The following CADM2 variants were observed in gnomAD, a reference collection of about 807,000 sequenced individuals.
CADM2 encodes immunoglobulin superfamily member 4D.
CADM2 carries 12 observed loss-of-function variants against 49.8 expected under a neutral mutation model. That is an observed-to-expected ratio of 0.24 (90% CI 0.15 to 0.39). The LOEUF (loss-of-function observed/expected upper bound fraction) is 0.39. Among genes scored for constraint, CADM2 ranks in the 10% least tolerant of loss-of-function variants. The pLI is 1.00. For missense variants in CADM2, 378 were observed against 492.3 expected, an observed-to-expected ratio of 0.77 and a Z score of 2.20; for synonymous variants, 214 against 175.4, an observed-to-expected ratio of 1.22 and a Z score of -1.74.
intron 1 of CADM2, among the ~76,000 whole-genome samples, chr3:85,545,696 A>C (rs1551045): frequency 0.51 from 77,760 of 151,852 alleles, 22,968 homozygotes; most frequent in East Asian, 0.85. Flanking sequence ...GCTGGGTGGA[A>C]CCCTGCTGCA....
chr3:85,094,984 G>C (rs2037739014), intron 1 of CADM2, among the ~76,000 whole-genome samples: 1 of 151,976 alleles, frequency 6.6e-6, no homozygotes. Flanking sequence ...ATGAATTCTT[G>C]ACTTACTGAA....
intron 1 of CADM2, among the ~76,000 whole-genome samples, chr3:85,278,718 TTGTGTGTGTGTGTGTGTGTG>T (rs36208431): frequency 4.2e-5 from 6 of 144,552 alleles, no homozygotes; most frequent in Non-Finnish European, 7.7e-5. Context: ...GCTGATGTTC[TTGTGTGTGTGTGTGTGTGTG>T]TGTGTGTGTG....
intron 3 of CADM2, among the ~76,000 whole-genome samples, chr3:85,844,452 G>A (rs1050716090): frequency 7.2e-5 from 11 of 152,002 alleles, no homozygotes; most frequent in Admixed American, 7.2e-4. Flanking sequence ...TAAGGGGATT[G>A]ATACAGGCAC....
At chr3:85,706,704 A>G (rs776338568) in intron 1 of CADM2, among the ~76,000 whole-genome samples, 42 of 152,336 alleles carry the variant, frequency 2.8e-4, no homozygotes, top group Non-Finnish European at 6.2e-4. Flanking sequence ...TAAGCAATTT[A>G]TAAGTTGGTA....
chr3:85,493,848 G>A (rs2039776878), intron 1 of CADM2, among the ~76,000 whole-genome samples: 1 of 152,146 alleles, frequency 6.6e-6, no homozygotes, highest in African/African-American at 2.4e-5. Context: ...ACATCCCTGT[G>A]TGAGATATGC....
intron 8 of CADM2, among the ~76,000 whole-genome samples, chr3:85,964,058 G>T (rs1725178700): frequency 6.6e-6 from 1 of 151,750 alleles, no homozygotes; most frequent in Non-Finnish European, 1.5e-5. Context: ...TTTGCACGCT[G>T]GGTATAATGT....
chr3:85,373,880 G>T (rs1350010113), intron 1 of CADM2, among the ~76,000 whole-genome samples: 3 of 152,270 alleles, frequency 2.0e-5, no homozygotes, highest in East Asian at 3.9e-4. Flanking sequence ...AAGCAGCAAT[G>T]CCCTGGGCCT....
At chr3:85,909,631 C>T (rs976559056) in intron 5 of CADM2, among the ~76,000 whole-genome samples, 8 of 151,994 alleles carry the variant, frequency 5.3e-5, no homozygotes, top group Non-Finnish European at 1.2e-4. Flanking sequence ...CTACTGAATG[C>T]GAATCTGCAT....
At chr3:85,018,546 G>T (rs547855412) in intron 1 of CADM2, among the ~76,000 whole-genome samples, 1 of 151,862 alleles carries the variant, frequency 6.6e-6, no homozygotes, top group Non-Finnish European at 1.5e-5. Context: ...TAGAGATGGC[G>T]GTTTCACCAT....
intron 1 of CADM2, among the ~76,000 whole-genome samples, chr3:85,238,106 A>G (rs2107829150): frequency 6.6e-6 from 1 of 152,110 alleles, no homozygotes; most frequent in South Asian, 2.1e-4. Flanking sequence ...GGCTTGGTAC[A>G]TCATGTTGAA....
At chr3:85,811,922 AG>A (rs2072908775) in intron 3 of CADM2, among the ~76,000 whole-genome samples, 1 of 151,056 alleles carries the variant, frequency 6.6e-6, no homozygotes, top group African/African-American at 2.4e-5. Flanking sequence ...CTTTTAAGGA[AG>A]GCAGGCTTCA....
intron 1 of CADM2, among the ~76,000 whole-genome samples, chr3:85,055,029 G>T (rs1165975223): frequency 6.6e-6 from 1 of 151,858 alleles, no homozygotes; most frequent in African/African-American, 2.4e-5. Context: ...TTTTCATTTT[G>T]TCCCTAATGC....
chr3:85,580,745 C>T (rs958790676), intron 1 of CADM2, among the ~76,000 whole-genome samples: 1 of 151,968 alleles, frequency 6.6e-6, no homozygotes, highest in African/African-American at 2.4e-5. Context: ...GTTAAAACTA[C>T]AATGCAGAAT....
intron 2 of CADM2, among the ~76,000 whole-genome samples, chr3:85,755,783 C>G (rs550853292): frequency 8.3e-4 from 127 of 152,162 alleles, no homozygotes; most frequent in African/African-American, 2.6e-3. Context: ...GAATCCACCC[C>G]CATGATCCAA....
chr3:85,161,406 C>T (rs1252585438), intron 1 of CADM2, among the ~76,000 whole-genome samples: 1 of 152,022 alleles, frequency 6.6e-6, no homozygotes, highest in Non-Finnish European at 1.5e-5. Flanking sequence ...TGGGCTCCTT[C>T]CATTTTCTTA....
rs1739381101 is a variant in CADM2 at position 86,066,684 on chromosome 3, A to G, written c.1116A>G (p.Glu372=). ...ATGCAGGAACGTATTTAACAAATGA[A>G]GCTAAAGGAGCTGAAGATGCACCAG... ...ARHKGTYLTN[E]AKGAEDAPDA... is the part of the protein sequence containing the mutation. Residue 372 remains glutamate, a synonymous_variant, in exon 10 of 10, where the codon GAA becomes GAG. Transcript: ENST00000383699. 1.9e-6 allele frequency: 3 copies of G among 1,613,292 alleles called. No homozygotes were observed. The highest frequency in any genetic ancestry group is 2.5e-6 in the Non-Finnish European group (3 of 1,179,232).
At chr3:85,907,793 C>T (rs1717003471) in intron 5 of CADM2, among the ~76,000 whole-genome samples, 1 of 151,920 alleles carries the variant, frequency 6.6e-6, no homozygotes, top group Non-Finnish European at 1.5e-5. Flanking sequence ...CACCTGTAAT[C>T]CCAGCTACTC....
At chr3:85,206,498 G>C (rs1170126642) in intron 1 of CADM2, among the ~76,000 whole-genome samples, 1 of 151,708 alleles carries the variant, frequency 6.6e-6, no homozygotes, top group East Asian at 1.9e-4. Flanking sequence ...TAGTAGAGAC[G>C]GGGTTTCACC....
intron 1 of CADM2, among the ~76,000 whole-genome samples, chr3:85,665,536 ACT>A (rs2065539025): frequency 6.6e-6 from 1 of 151,970 alleles, no homozygotes; most frequent in South Asian, 2.1e-4. Context: ...CAGAAATTTA[ACT>A]CTGACATCTA....
Sources: gnomAD v4.1 joint callset for allele counts (sites outside exome capture counted in the v4.1 genomes callset) on GRCh38, gnomAD v4.1.1 for gene constraint, MANE v1.5 for transcripts, NCBI Gene and HGNC (gene_info 2026-07-23, HGNC 2026-07-21) for gene names.